SUGP2: variants seen among roughly 807,000 people sequenced by gnomAD.
The protein encoded by SUGP2 is SURP and G-patch domain containing 2.
SUGP2 carries 24 observed loss-of-function variants against 90.5 expected under a neutral mutation model. The ratio of observed to expected loss-of-function variants is 0.27; its 90% CI spans 0.19 to 0.37. SUGP2 has a LOEUF of 0.37. Ranked by LOEUF, SUGP2 falls within the 10% of genes least tolerant of loss-of-function variation. The pLI, the probability that SUGP2 is intolerant of heterozygous loss-of-function variation, is 1.00. For missense variants in SUGP2, 1,233 were observed against 1,363.3 expected (o/e 0.90, Z 1.51); for synonymous variants, 473 against 513.4 (o/e 0.92, Z 1.06).
chr19:19,015,686 T>G (rs1368618198), intron 4 of SUGP2, among the ~76,000 whole-genome samples: 2 of 152,194 alleles, frequency 1.3e-5, no homozygotes, highest in East Asian at 3.9e-4. Flanking sequence ...TGTATTTTTA[T>G]TAGAGACACG....
In SUGP2 at chr19:19,030,940, C is replaced by T. The variant is rs767004792; in HGVS notation, c.121+11G>A. 1 of 1,606,598 alleles carries T rather than the reference C, an allele frequency of 6.2e-7. No homozygotes were observed. The highest frequency in any genetic ancestry group is 1.7e-5 in the Admixed American group (1 of 57,740). Reference sequence around the variant, plus strand: ...CAAAACAACAACTACAACAACAACACTTTATTTTACCTTGAGCTTTAAACT... The same window carrying T: ...CAAAACAACAACTACAACAACAACATTTTATTTTACCTTGAGCTTTAAACT... On this transcript the variant is annotated intron_variant, in intron 2 of 10. Transcript: ENST00000452918.
chr19:19,031,839 T>TG (rs2059169071), intron 1 of SUGP2, among the ~76,000 whole-genome samples: 1 of 151,344 alleles, frequency 6.6e-6, no homozygotes, highest in Non-Finnish European at 1.5e-5. Flanking sequence ...TTTTTTTTTT[T>TG]TTTAAGTAGA....
At chr19:19,001,448 T>C (rs1014642683) in intron 8 of SUGP2, among the ~76,000 whole-genome samples, 165 bp downstream of exon 8, 5 of 152,202 alleles carry the variant, frequency 3.3e-5, no homozygotes, top group African/African-American at 1.2e-4. Flanking sequence ...GGCAAAACAG[T>C]TTTCAAAAGC....
chr19:19,016,499 C>G (rs899178926), intron 4 of SUGP2, among the ~76,000 whole-genome samples: 3 of 152,150 alleles, frequency 2.0e-5, no homozygotes, highest in Non-Finnish European at 2.9e-5. Context: ...CCTTATCAAC[C>G]ACCTGTAAAG....
At chr19:19,022,544 C>T (rs1042768135) in intron 3 of SUGP2, among the ~76,000 whole-genome samples, 1 of 152,178 alleles carries the variant, frequency 6.6e-6, no homozygotes, top group Non-Finnish European at 1.5e-5. Context: ...GGCTTTCTGG[C>T]AATCATGTAG....
In SUGP2 at chr19:19,025,653, T is replaced by C; in HGVS notation, c.695A>G (p.Gln232Arg). The C allele has an allele frequency of 6.2e-7, 1 of 1,614,114 alleles. No homozygotes were observed. The highest frequency in any genetic ancestry group is 8.5e-7 in the Non-Finnish European group (1 of 1,180,018). Residue 232 changes from glutamine (Q) to arginine (R), a missense_variant, in exon 3 of 11, where the codon CAG becomes CGG. This residue lies in a region of SUGP2 where 418 missense variants were observed against 399.9 expected (regional missense o/e 1.05). Coordinates refer to ENST00000452918, the MANE Select transcript of SUGP2 (RefSeq NM_001017392.5). ...ACCCCCCTTAGCTGTGAGCAGGCCC[T>C]GAGTCTCCCCCTTTCCTAGGAGGGA... ...EGSLLGKGET[Q>R]GLLTAKGGVG...
chr19:19,012,822 T>G (rs1479053097), intron 4 of SUGP2, among the ~76,000 whole-genome samples: 3 of 152,222 alleles, frequency 2.0e-5, no homozygotes, highest in Non-Finnish European at 4.4e-5. Context: ...CCTACCATGG[T>G]TTTGGATTCA....
intron 8 of SUGP2, among the ~76,000 whole-genome samples, chr19:18,997,403 G>T (rs1223969367): frequency 1.3e-5 from 2 of 152,102 alleles, no homozygotes; most frequent in Non-Finnish European, 1.5e-5. Context: ...AGCTCCTGGG[G>T]CCTCAGTGTT....
At position 19,009,752 on chromosome 19, in the gene SUGP2, A is replaced by G. The variant is rs1383350464; in HGVS notation, c.2338+103T>C. On this transcript the variant is annotated intron_variant, in intron 5 of 10. Transcript: ENST00000452918. ...GGCCAGGTCCCTAGAGCTTTTATCC[A>G]CTGCCTTGCCTAGATTGCAGGCCCC... 10 of 1,434,040 alleles carry G rather than the reference A, an allele frequency of 7.0e-6. No individual in the cohort carries two copies. In the South Asian group the frequency reaches 7.0e-5, roughly 10 times the overall value. 88.8% of individuals were successfully genotyped at this position (1,434,040 alleles called of 1,614,324 possible). A position where few individuals can be genotyped will look rare whatever the true frequency, so the allele number is the denominator to read the frequency against.
intron 2 of SUGP2, among the ~76,000 whole-genome samples, chr19:19,028,155 T>G (rs2059006510): frequency 6.6e-6 from 1 of 152,120 alleles, no homozygotes; most frequent in Non-Finnish European, 1.5e-5. Flanking sequence ...AGGGACCACC[T>G]CCCCAGACAT....
chr19:19,010,537 A>G (rs1002844186), intron 4 of SUGP2, among the ~76,000 whole-genome samples, 195 bp from the exon 5 acceptor site: 2 of 152,186 alleles, frequency 1.3e-5, no homozygotes, highest in Admixed American at 6.5e-5. Context: ...CCACAGGGCA[A>G]TCGGGAGTTT....
At chr19:19,029,165 G>A (rs530680657) in intron 2 of SUGP2, among the ~76,000 whole-genome samples, 138 of 150,822 alleles carry the variant, frequency 9.1e-4, no homozygotes, top group Middle Eastern at 3.5e-3. Flanking sequence ...TTTTTGAGAC[G>A]GAGTCTTGCT....
At chr19:19,014,950 C>T (rs1222916866) in intron 4 of SUGP2, among the ~76,000 whole-genome samples, 2 of 152,058 alleles carry the variant, frequency 1.3e-5, no homozygotes, top group East Asian at 3.9e-4. Context: ...GCCTGTAATT[C>T]CAGCGCTTTG....
At chr19:19,008,268 GTCTC>G (rs1568407337) in intron 6 of SUGP2, 45 bp downstream of exon 6, 17 of 1,430,560 alleles carry the variant, frequency 1.2e-5, no homozygotes, top group Non-Finnish European at 1.5e-5. Context: ...CTTAGACTTT[GTCTC>G]TCTGAGAAAG....
intron 4 of SUGP2, among the ~76,000 whole-genome samples, chr19:19,016,713 A>G (rs2058515224): frequency 6.6e-6 from 1 of 152,182 alleles, no homozygotes; most frequent in South Asian, 2.1e-4. Flanking sequence ...CTGTAAAATA[A>G]GCATAGCAAG....
chr19:19,019,809 T>A (rs1464385910), intron 3 of SUGP2, among the ~76,000 whole-genome samples: 1 of 136,918 alleles, frequency 7.3e-6, no homozygotes, highest in Non-Finnish European at 1.6e-5. Flanking sequence ...AATATATGTA[T>A]CAATTCACAA....
intron 6 of SUGP2, among the ~76,000 whole-genome samples, chr19:19,005,357 A>G (rs548274104): frequency 2.6e-4 from 39 of 152,312 alleles, no homozygotes; most frequent in African/African-American, 9.1e-4. Flanking sequence ...CCCCCCAGTT[A>G]GCATATTAAT....
chr19:19,027,293 G>C (rs1377976662), intron 2 of SUGP2, among the ~76,000 whole-genome samples: 2 of 151,614 alleles, frequency 1.3e-5, no homozygotes, highest in Non-Finnish European at 2.9e-5. Context: ...CGATGACCTA[G>C]TTAAAAAAAA....
At chr19:18,994,857 C>A (rs1004975687) in intron 9 of SUGP2, 3 of 556,538 alleles carry the variant, frequency 5.4e-6, no homozygotes, top group Middle Eastern at 3.0e-4. Context: ...CAGTTCCAGA[C>A]GGAAACTACA....
Sources: allele counts gnomAD v4.1 joint callset (sites outside exome capture counted in the v4.1 genomes callset), GRCh38; gene constraint gnomAD v4.1.1; regional missense constraint gnomAD v4.1.1; transcripts MANE v1.5; gene names NCBI Gene and HGNC (gene_info 2026-07-23, HGNC 2026-07-21).